MEGF11: variants seen among roughly 807,000 people sequenced by gnomAD.
MEGF11 encodes multiple epidermal growth factor-like domains protein 11.
A neutral mutation model predicts 146.6 loss-of-function variants in MEGF11; 126 were observed. The observed-to-expected ratio is 0.86, with a 90% CI of 0.74 to 1.00. MEGF11 has a LOEUF of 1.00. Among genes scored for constraint, MEGF11 ranks in the 50% least tolerant of loss-of-function variants. The pLI, the probability that MEGF11 is intolerant of heterozygous loss-of-function variation, is 0.00. For synonymous variants in MEGF11, 532 were observed against 583.4 expected (o/e 0.91, Z 1.27); for missense variants, 1,509 against 1,521.2 (o/e 0.99, Z 0.13).
intron 1 of MEGF11, among the ~76,000 whole-genome samples, chr15:66,185,812 T>C (rs1394623134): frequency 6.6e-6 from 1 of 152,086 alleles, no homozygotes; most frequent in African/African-American, 2.4e-5. Context: ...TGTCAGAACT[T>C]CAGAGCCCTG....
Position 65,922,354 on chromosome 15 carries a change from T to C in MEGF11, c.1941A>G (p.Gly647=). Residue 647 remains glycine (G), a synonymous_variant, in exon 15 of 26, where the codon GGA becomes GGG. Coordinates refer to ENST00000395614, the MANE Select transcript of MEGF11 (RefSeq NM_001385028.1). The part of the protein sequence containing the change: ...GICECLPGFS[G]ALCNQVCAGG... Reference sequence around the variant, plus strand: ...AGACAGTACCTTGGTTGCAGAGAGCTCCAGAGAATCCTGGGAGGCACTCAC... The same window carrying C: ...AGACAGTACCTTGGTTGCAGAGAGCCCCAGAGAATCCTGGGAGGCACTCAC... The C allele has an allele frequency of 6.2e-7, 1 of 1,606,774 alleles. No individual in the cohort carries two copies. The highest frequency in any genetic ancestry group is 8.5e-7 in the Non-Finnish European group (1 of 1,176,878).
intron 8 of MEGF11, among the ~76,000 whole-genome samples, chr15:65,968,936 G>T (rs1364402103): frequency 6.6e-6 from 1 of 152,162 alleles, no homozygotes; most frequent in Non-Finnish European, 1.5e-5. Context: ...TGTCACCTAC[G>T]AAATTAATGG....
intron 24 of MEGF11, among the ~76,000 whole-genome samples, chr15:65,900,506 G>A (rs984216542): frequency 2.6e-5 from 4 of 152,208 alleles, no homozygotes; most frequent in Non-Finnish European, 4.4e-5. Context: ...TTCTGTTGAT[G>A]TTTGTTTCAG....
chr15:65,940,239 G>A (rs2079938274), intron 10 of MEGF11, among the ~76,000 whole-genome samples: 1 of 152,202 alleles, frequency 6.6e-6, no homozygotes. Flanking sequence ...TACTAATGGG[G>A]ACTGCTTTTG....
chr15:65,960,174 C>A (rs1352824261), intron 9 of MEGF11, among the ~76,000 whole-genome samples: 1 of 152,146 alleles, frequency 6.6e-6, no homozygotes, highest in African/African-American at 2.4e-5. Context: ...CAGATTTACC[C>A]CAAAATGGCT....
intron 7 of MEGF11, among the ~76,000 whole-genome samples, chr15:65,972,948 T>A (rs1302631727): frequency 6.6e-6 from 1 of 151,886 alleles, no homozygotes. Flanking sequence ...AGAAACCCCG[T>A]CTCTAATAAA....
intron 1 of MEGF11, among the ~76,000 whole-genome samples, chr15:66,231,836 G>A (rs187661014): frequency 6.0e-4 from 92 of 152,304 alleles, no homozygotes; most frequent in African/African-American, 2.1e-3. Flanking sequence ...TTTGCTTTGT[G>A]GAAGCTCGGA....
At chr15:66,112,573 G>A (rs2087485066) in intron 4 of MEGF11, among the ~76,000 whole-genome samples, 1 of 152,188 alleles carries the variant, frequency 6.6e-6, no homozygotes, top group Non-Finnish European at 1.5e-5. Context: ...GAAGAGGTGT[G>A]GTTGGCAATT....
At chr15:66,239,928 A>C (rs923836975) in intron 1 of MEGF11, among the ~76,000 whole-genome samples, 1 of 152,264 alleles carries the variant, frequency 6.6e-6, no homozygotes, top group South Asian at 2.1e-4. Flanking sequence ...TTGTACCTGC[A>C]ACAAACTGTT....
At chr15:66,177,103 A>G (rs1360447976) in intron 1 of MEGF11, among the ~76,000 whole-genome samples, 5 of 152,194 alleles carry the variant, frequency 3.3e-5, no homozygotes, top group Non-Finnish European at 7.3e-5. Context: ...ATTTCTGCAG[A>G]CATGACCAAA....
chr15:66,238,290 G>C (rs1261077310), intron 1 of MEGF11, among the ~76,000 whole-genome samples: 1 of 152,178 alleles, frequency 6.6e-6, no homozygotes, highest in Non-Finnish European at 1.5e-5. Flanking sequence ...CCAGAGAAAG[G>C]CTGGAAGCTG....
intron 4 of MEGF11, among the ~76,000 whole-genome samples, chr15:66,112,000 C>T (rs1051699711): frequency 6.8e-6 from 1 of 147,152 alleles, no homozygotes; most frequent in African/African-American, 2.5e-5. Flanking sequence ...GAGTGCCCGA[C>T]AAGAAAATGT....
At chr15:66,098,850 G>A (rs1401417550) in intron 4 of MEGF11, among the ~76,000 whole-genome samples, 4 of 152,180 alleles carry the variant, frequency 2.6e-5, no homozygotes, top group African/African-American at 9.7e-5. Context: ...TGTGTCTGTA[G>A]TGGGGCTCAG....
At chr15:66,008,886 G>C (rs1275371894) in intron 5 of MEGF11, among the ~76,000 whole-genome samples, 1 of 151,520 alleles carries the variant, frequency 6.6e-6, no homozygotes, top group Non-Finnish European at 1.5e-5. Context: ...ACCAGGCCAG[G>C]GCTCCTTCTT....
At chr15:66,043,558 A>G (rs145719290) in intron 5 of MEGF11, among the ~76,000 whole-genome samples, 1 of 152,248 alleles carries the variant, frequency 6.6e-6, no homozygotes, top group Non-Finnish European at 1.5e-5. Flanking sequence ...AGAAGGCTTT[A>G]TCAGCATCCA....
rs1567145715 is a variant in MEGF11 at position 65,898,823 on chromosome 15, C to A, written c.3167G>T (p.Ser1056Ile). 1 of 1,614,026 alleles carries A rather than the reference C, an allele frequency of 6.2e-7. No homozygotes were observed. The highest frequency in any genetic ancestry group is 2.2e-5 in the East Asian group (1 of 44,892). Residue 1056 changes from serine (S) to isoleucine (I), a missense_variant, in exon 25 of 26, where the codon AGC (serine) becomes ATC (isoleucine). By Grantham distance (142) the Ser-to-Ile change is moderately radical. Transcript: ENST00000395614. ...PPILTCKLPE[S>I]SYVEMKSPVH... ...AGGCGACTTCATTTCTACATAGCTG[C>A]TTTCTGGAAGCTTGCAGGTGAGGAT...
intron 13 of MEGF11, among the ~76,000 whole-genome samples, chr15:65,923,655 G>A (rs1186994795): frequency 2.0e-5 from 3 of 152,158 alleles, no homozygotes; most frequent in Admixed American, 6.5e-5. Flanking sequence ...TGATGTATTC[G>A]ATTTCAGCTT....
At chr15:66,175,433 A>AG (rs2090367189) in intron 1 of MEGF11, among the ~76,000 whole-genome samples, 1 of 152,204 alleles carries the variant, frequency 6.6e-6, no homozygotes, top group African/African-American at 2.4e-5. Flanking sequence ...CTGCAAAGCT[A>AG]TAGTAACCAA....
At chr15:66,071,122 C>A (rs557590958) in intron 5 of MEGF11, among the ~76,000 whole-genome samples, 1 of 152,228 alleles carries the variant, frequency 6.6e-6, no homozygotes, top group East Asian at 1.9e-4. Context: ...AAAGCTCCAC[C>A]CAAGGTCCAC....
Sources: gnomAD v4.1 joint callset for allele counts (sites outside exome capture counted in the v4.1 genomes callset) on GRCh38, gnomAD v4.1.1 for gene constraint, MANE v1.5 for transcripts, NCBI Gene and HGNC (gene_info 2026-07-23, HGNC 2026-07-21) for gene names.